The following ALX1 variants were observed in gnomAD, a reference collection of about 807,000 sequenced individuals.
ALX1 encodes ALX homeobox protein 1.
ALX1 carries 19 observed loss-of-function variants against 31.7 expected under a neutral mutation model. The ratio of observed to expected loss-of-function variants is 0.60; its 90% CI spans 0.42 to 0.88. The LOEUF (loss-of-function observed/expected upper bound fraction) is 0.88, where lower values mean the gene tolerates loss of function less well. ALX1 is among the 40% of genes least tolerant of loss of function. The probability of loss-of-function intolerance (pLI) is 0.00; values close to 1 mark genes in which losing one functional copy is unlikely to be tolerated. For missense variants in ALX1, 415 were observed against 407.8 expected, an observed-to-expected ratio of 1.02 and a Z score of -0.15; for synonymous variants, 153 against 148.8, an observed-to-expected ratio of 1.03 and a Z score of -0.20.
intron 3 of ALX1, among the ~76,000 whole-genome samples, chr12:85,288,657 T>C (rs1170568802): frequency 6.6e-6 from 1 of 151,500 alleles, no homozygotes; most frequent in African/African-American, 2.4e-5. Context: ...TATTATCTCA[T>C]TTAATCCTCA....
chr12:85,287,042 A>G, intron 3 of ALX1, 61 bp downstream of exon 3: 1 of 1,584,232 alleles, frequency 6.3e-7, no homozygotes, highest in Non-Finnish European at 8.7e-7. Flanking sequence ...ATATTCTTAA[A>G]ATGGTTAGCA....
At chr12:85,283,340 T>C (rs1221822122) in intron 1 of ALX1, among the ~76,000 whole-genome samples, 2 of 152,138 alleles carry the variant, frequency 1.3e-5, no homozygotes, top group African/African-American at 4.8e-5. Context: ...TCCTGTAAAA[T>C]AGAACTGCGG....
At chr12:85,288,428 A>G (rs1006490695) in intron 3 of ALX1, among the ~76,000 whole-genome samples, 6 of 151,544 alleles carry the variant, frequency 4.0e-5, no homozygotes, top group African/African-American at 1.5e-4. Context: ...TTACCATCAT[A>G]GGGCTAGTCA....
At position 85,301,427 on chromosome 12, in the gene ALX1, T is replaced by C; in HGVS notation, c.933T>C (p.Leu311=). Residue 311 remains leucine (L), a synonymous_variant, in exon 4 of 4, where the codon CTT becomes CTC. Coordinates refer to ENST00000316824, the MANE Select transcript of ALX1 (RefSeq NM_006982.3). ...FERRSSSIAV[L]RMKAKEHTAN... is the part of the protein sequence containing the mutation. Reference sequence around the variant, plus strand: ...GGAGGTCTTCCAGTATCGCAGTTCTTCGAATGAAAGCCAAGGAGCACACCG... The same window carrying C: ...GGAGGTCTTCCAGTATCGCAGTTCTCCGAATGAAAGCCAAGGAGCACACCG... 3 of 1,614,092 alleles carry C rather than the reference T, an allele frequency of 1.9e-6. No homozygotes were observed. The highest frequency in any genetic ancestry group is 1.7e-6 in the Non-Finnish European group (2 of 1,179,992).
intron 3 of ALX1, among the ~76,000 whole-genome samples, chr12:85,289,011 T>C (rs898716743): frequency 2.4e-4 from 37 of 151,540 alleles, no homozygotes; most frequent in Non-Finnish European, 4.1e-4. Context: ...TCACATGGAT[T>C]TTAAACTCTT....
At chr12:85,284,991 T>G (rs551364198) in intron 2 of ALX1, among the ~76,000 whole-genome samples, 1 of 152,194 alleles carries the variant, frequency 6.6e-6, no homozygotes, top group East Asian at 1.9e-4. Context: ...TACTTGAGTT[T>G]GTGGAAGCAA....
rs1896758878 is a variant in ALX1 at position 85,287,106 on chromosome 12, A to G, written c.660+125A>G. ...CAAGAATGAAAATCTAAGCTTCAGA[A>G]AACATTCTTCATGTCTGCTAAGTTT... On this transcript the variant is annotated intron_variant, in intron 3 of 3. Coordinates refer to ENST00000316824, the MANE Select transcript of ALX1 (RefSeq NM_006982.3). The G allele has an allele frequency of 3.4e-6, 4 of 1,177,966 alleles. No homozygotes were observed. In the South Asian group the frequency reaches 4.6e-5, roughly 14 times the overall value. 73.0% of individuals were successfully genotyped at this position (1,177,966 alleles called of 1,614,324 possible).
intron 3 of ALX1, among the ~76,000 whole-genome samples, chr12:85,296,902 T>G (rs1325625693): frequency 7.6e-6 from 1 of 131,752 alleles, no homozygotes. Context: ...AGTTATCCTA[T>G]TTAGGAAGAA....
intron 3 of ALX1, among the ~76,000 whole-genome samples, chr12:85,300,616 T>C (rs1304017978): frequency 6.6e-6 from 1 of 152,054 alleles, no homozygotes; most frequent in Non-Finnish European, 1.5e-5. Flanking sequence ...GACTATAGGA[T>C]ACGAAAAAGC....
intron 2 of ALX1, among the ~76,000 whole-genome samples, chr12:85,285,154 AAT>A (rs1294561585): frequency 6.6e-5 from 10 of 152,080 alleles, no homozygotes; most frequent in African/African-American, 2.4e-4. Flanking sequence ...ACCATAAACA[AAT>A]ATGTTTGCAC....
rs1439102791 is a variant in ALX1, at chr12:85,283,579, T to C, written c.234T>C (p.Tyr78=). 2 of 1,613,932 alleles carry C rather than the reference T, an allele frequency of 1.2e-6. No homozygotes were observed. Among genetic ancestry groups the C allele is most frequent in the East Asian group, 2.2e-5 (1 of 44,884 alleles). The change falls in exon 2 of 4, where the codon TAT becomes TAC. Residue 78 remains tyrosine (Y), a synonymous_variant. Coordinates refer to ENST00000316824, the MANE Select transcript of ALX1 (RefSeq NM_006982.3). ...TTCCTCCTCTGGGTACAGTGAACTA[T>C]GGGATCACTAAAGTAGAAGGACAGC... ...TSPCQDSSVN[Y]GITKVEGQPL...
At chr12:85,298,059 G>A (rs1358039147) in intron 3 of ALX1, among the ~76,000 whole-genome samples, 1 of 151,686 alleles carries the variant, frequency 6.6e-6, no homozygotes, top group African/African-American at 2.4e-5. Flanking sequence ...CAAAACAGTT[G>A]TGAGAAATAA....
At chr12:85,287,072 G>T (rs1240546048) in intron 3 of ALX1, 91 bp downstream of exon 3, 11 of 1,400,652 alleles carry the variant, frequency 7.9e-6, no homozygotes, top group African/African-American at 1.4e-5. Context: ...TTATATGTAA[G>T]ATAATAGCCA....
Position 85,280,504 on chromosome 12 carries a change from C to T in ALX1, c.226+17C>T, listed in dbSNP as rs1169013487. 2 of 1,606,766 alleles carry T rather than the reference C, an allele frequency of 1.2e-6. No individual in the cohort carries two copies. Among genetic ancestry groups the T allele is most frequent in the Non-Finnish European group, 1.7e-6 (2 of 1,178,584 alleles). ...ACAGCAGCGGTGAGTCGCTAGCGCC[C>T]CAGCCGGAGCCGCCGCAGCCCTTCC... On this transcript the variant is annotated intron_variant, in intron 1 of 3. Coordinates refer to ENST00000316824, the MANE Select transcript of ALX1 (RefSeq NM_006982.3).
intron 3 of ALX1, among the ~76,000 whole-genome samples, chr12:85,295,431 ATTT>A (rs1896875032): frequency 6.6e-6 from 1 of 151,578 alleles, no homozygotes; most frequent in Non-Finnish European, 1.5e-5. Context: ...CAGTGTTTTC[ATTT>A]TTAAGAGAAC....
chr12:85,288,217 CAGGAGAGACTGTAA>C (rs1224399068), intron 3 of ALX1, among the ~76,000 whole-genome samples: 1 of 151,466 alleles, frequency 6.6e-6, no homozygotes, highest in Admixed American at 6.6e-5. Flanking sequence ...TGGGTTCCTG[CAGGAGAGACTGTAA>C]AGGTCGCTAC....
rs763828906 is a variant in ALX1, at chr12:85,301,219, C to G, written c.725C>G (p.Pro242Arg). ...TCTGTGGTTACTTCATGCATGTTAC[C>G]ACGTGACACTTCCTCCTGTATGACA... Reference protein sequence around the residue: ...GGSVVTSCMLPRDTSSCMTPY... With the variant: ...GGSVVTSCMLRRDTSSCMTPY... Residue 242 changes from proline to arginine, a missense_variant, in exon 4 of 4, where the codon CCA becomes CGA. This residue lies in a region of ALX1 where 174 missense variants were observed against 177.5 expected (regional missense o/e 0.98). Coordinates refer to ENST00000316824, the MANE Select transcript of ALX1 (RefSeq NM_006982.3). 8.7e-6 allele frequency: 14 copies of G among 1,613,842 alleles called. No homozygotes were observed. Among genetic ancestry groups the G allele is most frequent in the Non-Finnish European group, 1.2e-5 (14 of 1,179,936 alleles).
chr12:85,284,025 A>G (rs1896715737), intron 2 of ALX1, 149 bp downstream of exon 2: 2 of 915,470 alleles, frequency 2.2e-6, no homozygotes, highest in Middle Eastern at 3.4e-4. Flanking sequence ...TATGTCTACT[A>G]AAATTATTTT....
chr12:85,282,827 T>C (rs1016038333), intron 1 of ALX1, among the ~76,000 whole-genome samples: 2 of 151,920 alleles, frequency 1.3e-5, no homozygotes, highest in African/African-American at 4.8e-5. Context: ...AAGTTTTCAA[T>C]CCCAAAACTT....
Sources: gnomAD v4.1 joint callset for allele counts (sites outside exome capture counted in the v4.1 genomes callset) on GRCh38, gnomAD v4.1.1 for gene constraint, gnomAD v4.1.1 regional missense constraint, MANE v1.5 for transcripts, NCBI Gene and HGNC (gene_info 2026-07-23, HGNC 2026-07-21) for gene names.